Variants in WFDC1 observed in about 807,000 individuals in gnomAD.
WFDC1 encodes the protein WAP four-disulfide core domain 1.
Under a neutral mutation model 32.9 loss-of-function variants are expected in WFDC1, and 39 were observed. The ratio of observed to expected loss-of-function variants is 1.19; its 90% CI spans 0.92 to 1.55. The LOEUF is 1.55. Among genes scored for constraint, WFDC1 ranks in the 40% most tolerant of loss-of-function variants. The pLI is 0.00. For synonymous variants in WFDC1, 184 were observed against 137.4 expected (o/e 1.34, Z -2.37); for missense variants, 386 against 309.5 (o/e 1.25, Z -1.85).
chr16:84,310,594 C>T (rs1232127524), intron 1 of WFDC1, among the ~76,000 whole-genome samples: 1 of 152,190 alleles, frequency 6.6e-6, no homozygotes, highest in Non-Finnish European at 1.5e-5. Context: ...TCTCCAAAGG[C>T]ACCTTTCCTA....
intron 3 of WFDC1, 26 bp downstream of exon 3, chr16:84,318,381 C>G (rs748839791): frequency 1.9e-6 from 3 of 1,610,714 alleles, no homozygotes; most frequent in Non-Finnish European, 2.5e-6. Context: ...AGCCCAGACC[C>G]TACATCCAAG....
intron 4 of WFDC1, among the ~76,000 whole-genome samples, chr16:84,319,838 G>T (rs950889229): frequency 6.6e-6 from 1 of 152,180 alleles, no homozygotes; most frequent in African/African-American, 2.4e-5. Context: ...GCGACACTGG[G>T]GTTAATTTCT....
intron 1 of WFDC1, among the ~76,000 whole-genome samples, chr16:84,311,527 C>CTTT (rs35243949): frequency 0.014 from 1,217 of 88,658 alleles, 50 homozygotes; most frequent in African/African-American, 0.03. Flanking sequence ...TGCGCCTGGA[C>CTTT]TTTTTTTTTT....
intron 4 of WFDC1, 82 bp downstream of exon 4, chr16:84,319,653 A>G: frequency 6.5e-7 from 1 of 1,540,738 alleles, no homozygotes; most frequent in Non-Finnish European, 8.7e-7. Flanking sequence ...CGCATGGACG[A>G]CCTGCCCCAG....
chr16:84,313,433 C>G (rs1290160212), intron 2 of WFDC1, among the ~76,000 whole-genome samples: 3 of 152,212 alleles, frequency 2.0e-5, no homozygotes, highest in African/African-American at 7.2e-5. Flanking sequence ...GGGGCAGGGA[C>G]CCTAGATGCC....
At chr16:84,322,619 C>G (rs540588002) in intron 4 of WFDC1, among the ~76,000 whole-genome samples, 1 of 152,316 alleles carries the variant, frequency 6.6e-6, no homozygotes, top group African/African-American at 2.4e-5. Flanking sequence ...AGGCCCTGTG[C>G]CGACACCTAA....
chr16:84,306,755 C>T (rs895552751), intron 1 of WFDC1, among the ~76,000 whole-genome samples: 1 of 128,190 alleles, frequency 7.8e-6, no homozygotes, highest in African/African-American at 3.1e-5. Context: ...GTGTTGACCA[C>T]CATCATCCTC....
chr16:84,307,015 C>T (rs1254896863), intron 1 of WFDC1, among the ~76,000 whole-genome samples: 1 of 152,084 alleles, frequency 6.6e-6, no homozygotes, highest in East Asian at 1.9e-4. Flanking sequence ...ATGAGCAGAT[C>T]CCAGGTAGGT....
intron 1 of WFDC1, among the ~76,000 whole-genome samples, chr16:84,308,247 C>G (rs911419470): frequency 2.0e-5 from 3 of 152,138 alleles, no homozygotes; most frequent in African/African-American, 7.2e-5. Context: ...CTGAAAACCT[C>G]TGGCCTTGGT....
intron 4 of WFDC1, among the ~76,000 whole-genome samples, chr16:84,323,316 T>C (rs1284256362): frequency 1.3e-5 from 2 of 152,194 alleles, no homozygotes; most frequent in Non-Finnish European, 2.9e-5. Flanking sequence ...CATATGTGCT[T>C]GATTAACCTT....
At chr16:84,308,432 G>A (rs1194123683) in intron 1 of WFDC1, among the ~76,000 whole-genome samples, 3 of 152,212 alleles carry the variant, frequency 2.0e-5, no homozygotes, top group Non-Finnish European at 4.4e-5. Flanking sequence ...TCTCAGTGTG[G>A]GGTGGCGAGG....
chr16:84,301,790 C>T (rs1474197040), intron 1 of WFDC1, among the ~76,000 whole-genome samples: 1 of 152,114 alleles, frequency 6.6e-6, no homozygotes, highest in Non-Finnish European at 1.5e-5. Flanking sequence ...TTGAGGGGGA[C>T]CTTAGGCAAA....
intron 3 of WFDC1, chr16:84,318,750 TC>T (rs1908112943): frequency 4.3e-6 from 1 of 232,830 alleles, no homozygotes; most frequent in Non-Finnish European, 8.8e-6. Flanking sequence ...AGCATGCAGG[TC>T]GGGGGCCTGG....
chr16:84,320,766 C>A (rs1464786809), intron 4 of WFDC1, among the ~76,000 whole-genome samples: 1 of 152,148 alleles, frequency 6.6e-6, no homozygotes, highest in Non-Finnish European at 1.5e-5. Context: ...CATCTCATAG[C>A]CCTAATAGCT....
intron 4 of WFDC1, among the ~76,000 whole-genome samples, chr16:84,322,119 C>G (rs1342606906): frequency 6.6e-6 from 1 of 150,554 alleles, no homozygotes; most frequent in Admixed American, 6.7e-5. Context: ...AGCTGGAATT[C>G]CAAGACTGTC....
Position 84,304,705 on chromosome 16 carries a change from C to T in WFDC1, c.145-8256C>T, listed in dbSNP as rs112603160. On this transcript the variant is annotated intron_variant, in intron 1 of 6. Coordinates refer to ENST00000219454, the MANE Select transcript of WFDC1 (RefSeq NM_021197.4). The stretch of plus-strand genomic sequence containing the variant: ...CTGGGGTTTTCAGGAAGGTGTCGTC[C>T]GTCTGGGGTGAGTGTCCTCCTTTCT... Among the ~76,000 whole-genome samples, 452 of 152,278 alleles carry T rather than the reference C, an allele frequency of 3.0e-3. 1 individual carries two copies. Among genetic ancestry groups the T allele is most frequent in the African/African-American group, 0.01 (428 of 41,564 alleles).
intron 5 of WFDC1, among the ~76,000 whole-genome samples, chr16:84,324,974 T>C (rs1908505253): frequency 6.6e-6 from 1 of 152,036 alleles, no homozygotes; most frequent in African/African-American, 2.4e-5. Context: ...CCTCTATCAA[T>C]CTATTCATCC....
chr16:84,303,097 G>T (rs1281184626), intron 1 of WFDC1, among the ~76,000 whole-genome samples: 3 of 150,226 alleles, frequency 2.0e-5, no homozygotes, highest in Admixed American at 6.7e-5. Context: ...AGAGCCCAGT[G>T]TTAAGGGCCC....
chr16:84,319,688 G>T, intron 4 of WFDC1, 117 bp downstream of exon 4: 1 of 1,318,424 alleles, frequency 7.6e-7, no homozygotes, highest in Non-Finnish European at 1.0e-6. Context: ...ACCTGGGCCT[G>T]ACTGAGAGCT....
Sources: allele counts gnomAD v4.1 joint callset (sites outside exome capture counted in the v4.1 genomes callset), GRCh38; gene constraint gnomAD v4.1.1; transcripts MANE v1.5; gene names NCBI Gene and HGNC (gene_info 2026-07-23, HGNC 2026-07-21).